PKP4: variants seen among roughly 807,000 people sequenced by gnomAD.
PKP4 encodes plakophilin 4.
In PKP4, 90 loss-of-function variants were observed where a neutral mutation model predicts 145.1. The ratio of observed to expected loss-of-function variants is 0.62; its 90% CI spans 0.52 to 0.74. The LOEUF is 0.74. PKP4 is among the 30% of genes least tolerant of loss of function. PKP4 has a pLI of 0.00. For synonymous variants in PKP4, 563 were observed against 577.2 expected, an observed-to-expected ratio of 0.98 and a Z score of 0.35; for missense variants, 1,340 against 1,482.7, an observed-to-expected ratio of 0.90 and a Z score of 1.58.
chr2:158,623,018 A>T (rs1368726091), intron 6 of PKP4, among the ~76,000 whole-genome samples: 3 of 152,180 alleles, frequency 2.0e-5, no homozygotes, highest in Non-Finnish European at 4.4e-5. Flanking sequence ...ATTGTTTGCA[A>T]GGGGGTGTCT....
At chr2:158,624,794 T>C in intron 6 of PKP4, 84 bp from the exon 7 acceptor site, 1 of 1,020,688 alleles carries the variant, frequency 9.8e-7, no homozygotes, top group Non-Finnish European at 1.4e-6. Flanking sequence ...CATTCTGTAG[T>C]GAGCTATGTG....
intron 1 of PKP4, among the ~76,000 whole-genome samples, chr2:158,493,239 CTAA>C (rs761045861): frequency 2.6e-5 from 4 of 152,210 alleles, no homozygotes; most frequent in East Asian, 3.9e-4. Context: ...TCCCGTTTTC[CTAA>C]TAATGACAGA....
intron 19 of PKP4, 26 bp from the exon 20 acceptor site, chr2:158,676,713 C>T: frequency 1.2e-6 from 2 of 1,613,894 alleles, no homozygotes; most frequent in South Asian, 1.1e-5. Flanking sequence ...ACCCCTCTTT[C>T]TCTCCTCCTT....
rs375221429 is a variant in PKP4 at position 158,658,063 on chromosome 2, A to T, written c.1910-68A>T. The T allele has an allele frequency of 1.3e-4, 113 of 892,890 alleles. No homozygotes were observed. The African/African-American group carries it at 1.7e-3, about 13-fold the overall frequency. 55.3% of individuals were successfully genotyped at this position (892,890 alleles called of 1,614,324 possible). A position where few individuals can be genotyped will look rare whatever the true frequency, so the allele number is the denominator to read the frequency against. ...ACTGACTTCATATTAATTAGAGCTAATACGTTTATTTTATTTCTAAAGCCA... is the reference window on the plus strand; with the variant it reads ...ACTGACTTCATATTAATTAGAGCTATTACGTTTATTTTATTTCTAAAGCCA... On this transcript the variant is annotated intron_variant, in intron 11 of 21. Coordinates refer to ENST00000389759, the MANE Select transcript of PKP4 (RefSeq NM_003628.6).
chr2:158,625,915 T>TGG (rs2052735219), intron 7 of PKP4, among the ~76,000 whole-genome samples: 2 of 152,180 alleles, frequency 1.3e-5, no homozygotes, highest in African/African-American at 4.8e-5. Context: ...ATTTTGGCAT[T>TGG]TTAACGGTAA....
intron 2 of PKP4, among the ~76,000 whole-genome samples, chr2:158,575,829 A>C (rs1182704926): frequency 2.6e-5 from 4 of 152,240 alleles, no homozygotes; most frequent in African/African-American, 9.6e-5. Flanking sequence ...AGAGCAAAGA[A>C]AGAGTAAGTG....
At chr2:158,582,884 G>A (rs1265413244) in intron 3 of PKP4, among the ~76,000 whole-genome samples, 1 of 152,126 alleles carries the variant, frequency 6.6e-6, no homozygotes, top group Admixed American at 6.5e-5. Flanking sequence ...TCAATTTTAG[G>A]TCCACTAAGC....
chr2:158,585,453 C>A (rs1165784101), intron 3 of PKP4, among the ~76,000 whole-genome samples: 1 of 152,142 alleles, frequency 6.6e-6, no homozygotes, highest in Non-Finnish European at 1.5e-5. Flanking sequence ...TCTGCAGATG[C>A]CCATCAGGTT....
chr2:158,644,570 G>T (rs772689785), intron 11 of PKP4, among the ~76,000 whole-genome samples: 3 of 44,024 alleles, frequency 6.8e-5, no homozygotes, highest in Non-Finnish European at 1.5e-4. Context: ...AATAAGCACA[G>T]TAGAATACAC....
At chr2:158,625,977 A>G in intron 7 of PKP4, among the ~76,000 whole-genome samples, 1 of 152,216 alleles carries the variant, frequency 6.6e-6, no homozygotes. Context: ...ATTAAAGCAG[A>G]AAGACACCGG....
At position 158,495,833 on chromosome 2, in the gene PKP4, C is replaced by CTAAATAAA. The variant is rs144207416; in HGVS notation, c.-5-37307_-5-37300dup. On this transcript the variant is annotated intron_variant, in intron 1 of 21. Transcript: ENST00000389759. ...TGGGCGACAGAGCAAGACTCTGTCT[C>CTAAATAAA]TAAATAAATAAATAAATAAATAAAT... Among the ~76,000 whole-genome samples the CTAAATAAA allele has an allele frequency of 4.4e-3, 638 of 143,928 alleles. 6 individuals carry two copies. Among genetic ancestry groups the CTAAATAAA allele is most frequent in the Non-Finnish European group, 7.9e-3 (523 of 66,374 alleles). The allele number at this position is 143,928 out of a possible 152,430, so 94.4% of individuals were successfully genotyped here.
intron 11 of PKP4, among the ~76,000 whole-genome samples, chr2:158,653,928 A>C (rs1049411340): frequency 6.6e-6 from 1 of 152,214 alleles, no homozygotes; most frequent in African/African-American, 2.4e-5. Context: ...AGCCCTAGAC[A>C]AAGTGGAGAG....
intron 21 of PKP4, 147 bp from the exon 22 acceptor site, chr2:158,680,282 T>C (rs1372496386): frequency 3.1e-6 from 2 of 643,600 alleles, no homozygotes; most frequent in Non-Finnish European, 5.3e-6. Context: ...AAACGCATAG[T>C]GTGCACCAGA....
chr2:158,547,436 A>G (rs756400362), intron 2 of PKP4, among the ~76,000 whole-genome samples: 2 of 152,226 alleles, frequency 1.3e-5, no homozygotes, highest in Admixed American at 6.5e-5. Context: ...TACTCCATTG[A>G]TAGAAATTTT....
At chr2:158,631,730 C>A in intron 7 of PKP4, 23 bp from the exon 8 acceptor site, 1 of 1,596,158 alleles carries the variant, frequency 6.3e-7, no homozygotes, top group South Asian at 1.1e-5. Context: ...CAGTTCTTAA[C>A]GATGTAATTT....
chr2:158,533,609 G>A, intron 2 of PKP4: 1 of 459,360 alleles, frequency 2.2e-6, no homozygotes, highest in Admixed American at 2.6e-5. Flanking sequence ...ACGCAAAGCT[G>A]TGTAAAGCAT....
intron 2 of PKP4, among the ~76,000 whole-genome samples, chr2:158,550,314 T>C (rs1378591989): frequency 6.6e-6 from 1 of 152,206 alleles, no homozygotes; most frequent in Non-Finnish European, 1.5e-5. Context: ...AATATGGACA[T>C]GTGTGTTAAT....
intron 1 of PKP4, among the ~76,000 whole-genome samples, chr2:158,512,891 C>T (rs186634584): frequency 5.1e-4 from 78 of 152,328 alleles, no homozygotes; most frequent in African/African-American, 1.8e-3. Flanking sequence ...TTGCCAAGTA[C>T]ACTTCTCCTT....
chr2:158,658,476 G>A (rs942234669), intron 12 of PKP4, 162 bp downstream of exon 12: 17 of 548,682 alleles, frequency 3.1e-5, no homozygotes, highest in East Asian at 1.3e-4. Context: ...GAAAAACATC[G>A]TGAGCACAGA....
Sources: gnomAD v4.1 joint callset for allele counts (sites outside exome capture counted in the v4.1 genomes callset) on GRCh38, gnomAD v4.1.1 for gene constraint, MANE v1.5 for transcripts, NCBI Gene and HGNC (gene_info 2026-07-23, HGNC 2026-07-21) for gene names.